The following CTNND2 variants were observed in gnomAD, a reference collection of about 807,000 sequenced individuals.
CTNND2 encodes the protein catenin delta-2.
CTNND2 carries 22 observed loss-of-function variants against 144.4 expected under a neutral mutation model. The ratio of observed to expected loss-of-function variants is 0.15; its 90% CI spans 0.11 to 0.22. The LOEUF is 0.22. Among genes scored for constraint, CTNND2 ranks in the 10% least tolerant of loss-of-function variants. The probability of loss-of-function intolerance (pLI) is 1.00; values close to 1 mark genes in which losing one functional copy is unlikely to be tolerated. For missense variants in CTNND2, 1,353 were observed against 1,618.8 expected (o/e 0.84, Z 2.82); for synonymous variants, 751 against 695.6 (o/e 1.08, Z -1.25).
intron 9 of CTNND2, among the ~76,000 whole-genome samples, chr5:11,242,040 G>C (rs1431349969): frequency 3.9e-5 from 6 of 152,216 alleles, no homozygotes; most frequent in African/African-American, 1.2e-4. Context: ...GGGGGAGTTG[G>C]AGCAGGGGCT....
chr5:11,463,232 T>C (rs1183987480), intron 3 of CTNND2, among the ~76,000 whole-genome samples: 1 of 152,250 alleles, frequency 6.6e-6, no homozygotes, highest in Non-Finnish European at 1.5e-5. Context: ...CTTGAAAATG[T>C]ACTTAGAAGC....
intron 3 of CTNND2, among the ~76,000 whole-genome samples, chr5:11,528,944 C>G (rs772238069): frequency 6.6e-6 from 1 of 152,190 alleles, no homozygotes; most frequent in Non-Finnish European, 1.5e-5. Flanking sequence ...TCAAGAGACA[C>G]ACTTGAGTTT....
intron 9 of CTNND2, among the ~76,000 whole-genome samples, chr5:11,266,991 G>A (rs1272997858): frequency 6.6e-6 from 1 of 152,166 alleles, no homozygotes. Flanking sequence ...CAATTCTCCT[G>A]CCTCAGCCTC....
At chr5:11,270,875 C>T (rs192931125) in intron 9 of CTNND2, among the ~76,000 whole-genome samples, 1 of 152,174 alleles carries the variant, frequency 6.6e-6, no homozygotes, top group African/African-American at 2.4e-5. Context: ...CACGTGGAAC[C>T]AAACATGAAA....
intron 12 of CTNND2, among the ~76,000 whole-genome samples, chr5:11,150,128 C>A (rs1193211795): frequency 6.6e-6 from 1 of 152,172 alleles, no homozygotes; most frequent in Non-Finnish European, 1.5e-5. Context: ...CCAAAGGCAC[C>A]TCTGCTTCCT....
chr5:11,050,596 G>T (rs569314090), intron 16 of CTNND2, among the ~76,000 whole-genome samples: 1 of 152,254 alleles, frequency 6.6e-6, no homozygotes, highest in South Asian at 2.1e-4. Context: ...AATGGACAAT[G>T]GTCAGACAAT....
intron 15 of CTNND2, among the ~76,000 whole-genome samples, chr5:11,089,272 A>G (rs1750509952): frequency 6.6e-6 from 1 of 152,168 alleles, no homozygotes; most frequent in Non-Finnish European, 1.5e-5. Context: ...ATACTATGCT[A>G]GTGTACTAAA....
At chr5:11,890,832 G>A (rs188022342) in intron 1 of CTNND2, among the ~76,000 whole-genome samples, 4 of 152,290 alleles carry the variant, frequency 2.6e-5, no homozygotes, top group East Asian at 1.9e-4. Flanking sequence ...AGAGACAGGC[G>A]GCCAAAGTGG....
At chr5:11,700,191 C>A (rs1056736114) in intron 2 of CTNND2, among the ~76,000 whole-genome samples, 1 of 152,068 alleles carries the variant, frequency 6.6e-6, no homozygotes, top group Non-Finnish European at 1.5e-5. Flanking sequence ...AGTTAAGAGA[C>A]CAGCCTGGCC....
At chr5:11,648,076 T>C (rs1782457194) in intron 2 of CTNND2, among the ~76,000 whole-genome samples, 1 of 152,190 alleles carries the variant, frequency 6.6e-6, no homozygotes, top group Admixed American at 6.5e-5. Flanking sequence ...CCTGAACTTT[T>C]ATCATATCAC....
chr5:11,130,336 C>A (rs1229329680), intron 12 of CTNND2, among the ~76,000 whole-genome samples: 1 of 152,166 alleles, frequency 6.6e-6, no homozygotes, highest in Non-Finnish European at 1.5e-5. Context: ...TTAAACACTG[C>A]ACCGTTTTAA....
rs551154869 is a variant in CTNND2, at chr5:11,153,814, C to CG, written c.2159+5761dup. 2.8e-3 allele frequency among the ~76,000 whole-genome samples: 430 copies of CG among 152,184 alleles called. 1 individual carries two copies. The highest frequency in any genetic ancestry group is 9.4e-3 in the African/African-American group (390 of 41,494). ...AAATAAATAAACGACTCAGCGGCAC[C>CG]GGGAAATGAGCTGTGGAAGTTAGCC... is the stretch of plus-strand genomic sequence containing the variant. On this transcript the variant is annotated intron_variant, in intron 12 of 21. Coordinates refer to ENST00000304623, the MANE Select transcript of CTNND2 (RefSeq NM_001332.4).
intron 9 of CTNND2, among the ~76,000 whole-genome samples, chr5:11,322,848 T>A (rs144708464): frequency 1.7e-3 from 262 of 152,276 alleles, no homozygotes; most frequent in African/African-American, 5.9e-3. Flanking sequence ...TTGCTCTGTG[T>A]ACGGAGATAC....
chr5:11,420,771 C>T (rs1339330435), intron 3 of CTNND2, among the ~76,000 whole-genome samples: 1 of 152,128 alleles, frequency 6.6e-6, no homozygotes, highest in East Asian at 1.9e-4. Context: ...ATTAGAATGC[C>T]GTTTTTCTTG....
intron 15 of CTNND2, among the ~76,000 whole-genome samples, chr5:11,094,371 T>C (rs192983552): frequency 8.5e-5 from 13 of 152,318 alleles, no homozygotes; most frequent in African/African-American, 3.1e-4. Flanking sequence ...TTTTCTTTCT[T>C]GCATTCTTAT....
intron 3 of CTNND2, among the ~76,000 whole-genome samples, chr5:11,438,810 G>A (rs1453714323): frequency 6.6e-6 from 1 of 151,972 alleles, no homozygotes; most frequent in African/African-American, 2.4e-5. Flanking sequence ...AACTTTATTA[G>A]CAATAGCAGG....
chr5:11,542,456 T>C (rs990802992), intron 3 of CTNND2, among the ~76,000 whole-genome samples: 1 of 152,202 alleles, frequency 6.6e-6, no homozygotes, highest in African/African-American at 2.4e-5. Flanking sequence ...AAGTTGGTGA[T>C]ATATAGCAGC....
intron 11 of CTNND2, among the ~76,000 whole-genome samples, chr5:11,162,588 C>T (rs1442341349): frequency 1.3e-5 from 2 of 152,124 alleles, no homozygotes; most frequent in Admixed American, 6.5e-5. Context: ...TTTATAACTG[C>T]AATGCACAAT....
chr5:11,252,844 T>A (rs1743807663), intron 9 of CTNND2, among the ~76,000 whole-genome samples: 1 of 152,200 alleles, frequency 6.6e-6, no homozygotes, highest in Admixed American at 6.5e-5. Flanking sequence ...TTCATGAGGA[T>A]AAAGTAAAAT....
Sources: gnomAD v4.1 joint callset for allele counts (sites outside exome capture counted in the v4.1 genomes callset) on GRCh38, gnomAD v4.1.1 for gene constraint, MANE v1.5 for transcripts, NCBI Gene and HGNC (gene_info 2026-07-23, HGNC 2026-07-21) for gene names.